The following XKR8 variants were observed in gnomAD, a reference collection of about 807,000 sequenced individuals.
XKR8 encodes XK related 8.
Under a neutral mutation model 17.1 loss-of-function variants are expected in XKR8, and 10 were observed. That is an observed-to-expected ratio of 0.59 (90% CI 0.36 to 0.99). XKR8 has a LOEUF of 0.99. XKR8 is among the 50% of genes least tolerant of loss of function. XKR8 has a pLI of 0.01. For missense variants in XKR8, 411 were observed against 515.6 expected (o/e 0.80, Z 1.96); for synonymous variants, 213 against 251.9 (o/e 0.85, Z 1.46).
Position 27,960,432 on chromosome 1 carries a change from A to G in XKR8, c.293+70A>G, listed in dbSNP as rs1045399950. The G allele has an allele frequency of 1.5e-6, 2 of 1,323,886 alleles. No homozygotes were observed. The highest frequency in any genetic ancestry group is 3.1e-5 in the East Asian group (1 of 32,654). The allele number at this position is 1,323,886 out of a possible 1,614,324, so 82.0% of individuals were successfully genotyped here. On this transcript the variant is annotated intron_variant, in intron 1 of 2. Transcript: ENST00000373884. The surrounding 1 kb of genome is among the most constrained non-coding windows in gnomAD (Gnocchi z 5.9). ...CCTCCGTCAGCTGGGTCACCTGTAC[A>G]GGTGACACGCCATATGCCGGGAAGG...
rs1442288292 is a variant in XKR8, at chr1:27,966,443, C to A, written c.491-60C>A. 2 of 1,531,552 alleles carry A rather than the reference C, an allele frequency of 1.3e-6. No individual in the cohort carries two copies. Among genetic ancestry groups the A allele is most frequent in the Admixed American group, 3.7e-5 (2 of 54,718 alleles). The allele number at this position is 1,531,552 out of a possible 1,614,324, so 94.9% of individuals were successfully genotyped here. A position where few individuals can be genotyped will look rare whatever the true frequency, so the allele number is the denominator to read the frequency against. On this transcript the variant is annotated intron_variant, in intron 2 of 2. Coordinates refer to ENST00000373884, the MANE Select transcript of XKR8 (RefSeq NM_018053.4). The surrounding 1 kb of genome is among the most constrained non-coding windows in gnomAD (Gnocchi z 4.3). The stretch of plus-strand genomic sequence containing the variant: ...GGAGGGCCCCCACGGTACCTGTGAC[C>A]GCTGGGGAGTGCCAAGCAGGCTGGC...
At position 27,966,262 on chromosome 1, in the gene XKR8, G is replaced by A. The variant is rs1051720086; in HGVS notation, c.491-241G>A. Among the ~76,000 whole-genome samples the A allele has an allele frequency of 3.9e-5, 6 of 152,130 alleles. No homozygotes were observed. The highest frequency in any genetic ancestry group is 8.8e-5 in the Non-Finnish European group (6 of 68,014). On this transcript the variant is annotated intron_variant, in intron 2 of 2. Coordinates refer to ENST00000373884, the MANE Select transcript of XKR8 (RefSeq NM_018053.4). The surrounding 1 kb of genome is among the most constrained non-coding windows in gnomAD (Gnocchi z 4.3). ...CTCTCATCTTTGACAAATACCACCC[G>A]GATAGCACCTACGCAGCAAAGCGCT...
At chr1:27,961,807 T>C (rs1638474453) in intron 1 of XKR8, among the ~76,000 whole-genome samples, 1 of 152,206 alleles carries the variant, frequency 6.6e-6, no homozygotes, top group Non-Finnish European at 1.5e-5. Context: ...AGTACATGTC[T>C]GGTGAATGAG....
rs1638614776 is a variant in XKR8, at chr1:27,967,973, A to T, written c.*773A>T. 1.3e-5 allele frequency: 2 copies of T among 152,576 alleles called. No individual in the cohort carries two copies. Among genetic ancestry groups the T allele is most frequent in the African/African-American group, 4.8e-5 (2 of 41,410 alleles). The allele number at this position is 152,576 out of a possible 1,614,324, so 9.5% of individuals were successfully genotyped here. ...GTATTTTTTTTGCCTTAGCCAGTGT[A>T]CCTCCTACCTCAGTCTATGTGAGAG... is the stretch of plus-strand genomic sequence containing the variant. On this transcript the variant is annotated 3_prime_UTR_variant, in exon 3 of 3. Transcript: ENST00000373884. The surrounding 1 kb of genome is among the most constrained non-coding windows in gnomAD (Gnocchi z 4.3).
At position 27,966,275 on chromosome 1, in the gene XKR8, G is replaced by A. The variant is rs890423683; in HGVS notation, c.491-228G>A. Among the ~76,000 whole-genome samples the A allele has an allele frequency of 3.3e-5, 5 of 152,270 alleles. No individual in the cohort carries two copies. Among genetic ancestry groups the A allele is most frequent in the Non-Finnish European group, 5.9e-5 (4 of 68,012 alleles). ...CAAATACCACCCGGATAGCACCTAC[G>A]CAGCAAAGCGCTGTGGTGAGGGGCA... On this transcript the variant is annotated intron_variant, in intron 2 of 2. Transcript: ENST00000373884. The surrounding 1 kb of genome is among the most constrained non-coding windows in gnomAD (Gnocchi z 4.3).
Position 27,967,032 on chromosome 1 carries a change from G to A in XKR8, c.1020G>A (p.Trp340Ter). 6.2e-7 allele frequency: 1 copy of A among 1,614,042 alleles called. No homozygotes were observed. Among genetic ancestry groups the A allele is most frequent in the Non-Finnish European group, 8.5e-7 (1 of 1,179,970 alleles). ...CTCTGCGGCTTGTGTACTACCACTG[G>A]CTGCACCCTAGCTGCTGCTGGAAGC... ...GLALRLVYYH[W>*]LHPSCCWKPD... Residue 340 changes from tryptophan (W) to a stop codon, truncating the protein, a stop_gained, in exon 3 of 3, where the codon TGG (tryptophan) becomes TGA (stop). Transcript: ENST00000373884. LOFTEE classifies it low-confidence loss of function (END_TRUNC). The surrounding 1 kb of genome is among the most constrained non-coding windows in gnomAD (Gnocchi z 4.3).
In XKR8 at chr1:27,966,556, C is replaced by T. The variant is rs753677671; in HGVS notation, c.544C>T (p.His182Tyr). The T allele has an allele frequency of 6.2e-7, 1 of 1,614,060 alleles. No individual in the cohort carries two copies. Among genetic ancestry groups the T allele is most frequent in the Admixed American group, 1.7e-5 (1 of 60,024 alleles). The change falls in exon 3 of 3, where the codon CAC becomes TAC. Residue 182 changes from histidine (H) to tyrosine (Y), a missense_variant. Physicochemically the swap from His to Tyr is moderately conservative, Grantham distance 83. Transcript: ENST00000373884. This position sits in a 1 kb window ranked among gnomAD's most constrained non-coding sequence, Gnocchi z 4.3. ...LGISWALLDY[H>Y]RALRTCLPSK... ...CATCTCGTGGGCACTGCTCGACTAC[C>T]ACCGGGCCTTGCGCACCTGCCTCCC... is the stretch of plus-strand genomic sequence containing the variant.
At chr1:27,961,865 A>G (rs949093782) in intron 1 of XKR8, among the ~76,000 whole-genome samples, 1 of 152,160 alleles carries the variant, frequency 6.6e-6, no homozygotes, top group Non-Finnish European at 1.5e-5. Context: ...ACTGAGAGCA[A>G]AGTTCTGGGT....
chr1:27,964,001 G>C (rs748775725), intron 2 of XKR8, among the ~76,000 whole-genome samples: 4 of 152,014 alleles, frequency 2.6e-5, no homozygotes, highest in South Asian at 2.1e-4. Context: ...TAAGTTCCTG[G>C]TACAGAGTCT....
rs772962218 is a variant in XKR8 at position 27,960,158 on chromosome 1, A to T, written c.89A>T (p.Asp30Val). The change falls in exon 1 of 3, where the codon GAC becomes GTC. Residue 30 changes from aspartate (D) to valine (V), a missense_variant. Asp to Val is a radical substitution (Grantham distance 152, BLOSUM62 -3). Coordinates refer to ENST00000373884, the MANE Select transcript of XKR8 (RefSeq NM_018053.4). The surrounding 1 kb of genome is among the most constrained non-coding windows in gnomAD (Gnocchi z 5.9). ...GCCTTCCTGCTCGACCTGGGCACCG[A>T]CCTGTGGGCCGCCGTCCAGTATGCG... is the stretch of plus-strand genomic sequence containing the variant. Reference protein sequence around the residue: ...TAAFLLDLGTDLWAAVQYALG... With the variant: ...TAAFLLDLGTVLWAAVQYALG... 6 of 1,527,728 alleles carry T rather than the reference A, an allele frequency of 3.9e-6. No individual in the cohort carries two copies. Among genetic ancestry groups the T allele is most frequent in the Non-Finnish European group, 5.2e-6 (6 of 1,144,320 alleles). The allele number at this position is 1,527,728 out of a possible 1,614,324, so 94.6% of individuals were successfully genotyped here.
chr1:27,963,025 T>G (rs1638497485), intron 1 of XKR8, among the ~76,000 whole-genome samples: 1 of 152,022 alleles, frequency 6.6e-6, no homozygotes, highest in African/African-American at 2.4e-5. Context: ...TCCCCATTTT[T>G]GCTTTTTTGT....
rs756433558 is a variant in XKR8, at chr1:27,966,783, C to T, written c.771C>T (p.Ser257=). 28 of 1,613,738 alleles carry T rather than the reference C, an allele frequency of 1.7e-5. No individual in the cohort carries two copies. Among genetic ancestry groups the T allele is most frequent in the Middle Eastern group, 1.7e-4 (1 of 5,980 alleles). ...CAGACTTCATGCCGGACCCCAGCTC[C>T]GAGTGGCTGTACCGGGTGACGGTGG... ...QGTDFMPDPS[S]EWLYRVTVAT... is the part of the protein sequence containing the mutation. The change falls in exon 3 of 3, where the codon TCC becomes TCT. Residue 257 remains serine (S), a synonymous_variant. Coordinates refer to ENST00000373884, the MANE Select transcript of XKR8 (RefSeq NM_018053.4). The surrounding 1 kb of genome is among the most constrained non-coding windows in gnomAD (Gnocchi z 4.3).
chr1:27,962,767 A>G (rs1015771932), intron 1 of XKR8, among the ~76,000 whole-genome samples: 39 of 151,976 alleles, frequency 2.6e-4, no homozygotes, highest in Non-Finnish European at 3.7e-4. Flanking sequence ...AATTAAAAAA[A>G]ATTCTTTGTA....
chr1:27,966,932 G>A lies in XKR8; in HGVS notation c.920G>A (p.Ser307Asn). 1 of 1,614,200 alleles carries A rather than the reference G, an allele frequency of 6.2e-7. No homozygotes were observed. The highest frequency in any genetic ancestry group is 8.5e-7 in the Non-Finnish European group (1 of 1,180,036). ...ILLVATWVTH[S>N]SWLPSGIPLQ... is the part of the protein sequence containing the mutation. Reference sequence around the variant, plus strand: ...CTGGTGGCCACCTGGGTGACTCATAGCTCCTGGCTGCCCAGCGGGATTCCA... The same window carrying A: ...CTGGTGGCCACCTGGGTGACTCATAACTCCTGGCTGCCCAGCGGGATTCCA... The change falls in exon 3 of 3, where the codon AGC becomes AAC. Residue 307 changes from serine (S) to asparagine (N), a missense_variant. Transcript: ENST00000373884. The surrounding 1 kb of genome is among the most constrained non-coding windows in gnomAD (Gnocchi z 4.3).
rs534719991 is a variant in XKR8 at position 27,963,266 on chromosome 1, C to T, written c.294-231C>T. On this transcript the variant is annotated intron_variant, in intron 1 of 2. Transcript: ENST00000373884. Reference sequence around the variant, plus strand: ...CAATCTCCTGAACTCGTGATCAGCCCGCCTCAGACTCCCAAAGTGCTGGGA... The same window carrying T: ...CAATCTCCTGAACTCGTGATCAGCCTGCCTCAGACTCCCAAAGTGCTGGGA... Among the ~76,000 whole-genome samples, 9 of 152,268 alleles carry T rather than the reference C, an allele frequency of 5.9e-5. No individual in the cohort carries two copies. In the East Asian group the frequency reaches 9.7e-4, roughly 16 times the overall value.
chr1:27,966,550 G>A lies in XKR8; in HGVS notation c.538G>A (p.Asp180Asn), dbSNP rs772088392. Reference protein sequence around the residue: ...SFLGISWALLDYHRALRTCLP... With the variant: ...SFLGISWALLNYHRALRTCLP... ...CCTGGGCATCTCGTGGGCACTGCTC[G>A]ACTACCACCGGGCCTTGCGCACCTG... Residue 180 changes from aspartate to asparagine, a missense_variant, in exon 3 of 3, where the codon GAC becomes AAC. Coordinates refer to ENST00000373884, the MANE Select transcript of XKR8 (RefSeq NM_018053.4). The surrounding 1 kb of genome is among the most constrained non-coding windows in gnomAD (Gnocchi z 4.3). 2.0e-5 allele frequency: 32 copies of A among 1,613,954 alleles called. No homozygotes were observed. The highest frequency in any genetic ancestry group is 3.3e-5 in the Admixed American group (2 of 60,010).
At position 27,960,282 on chromosome 1, in the gene XKR8, C is replaced by T. The variant is rs1238084936; in HGVS notation, c.213C>T (p.Asp71=). 3 of 1,514,006 alleles carry T rather than the reference C, an allele frequency of 2.0e-6. No individual in the cohort carries two copies. The highest frequency in any genetic ancestry group is 2.6e-6 in the Non-Finnish European group (3 of 1,137,810). 93.8% of individuals were successfully genotyped at this position (1,514,006 alleles called of 1,614,324 possible). ...QLFSWLWLRA[D]PAGLHGSQPP... is the part of the protein sequence containing the mutation. ...TCAGCTGGCTCTGGCTGCGCGCTGA[C>T]CCTGCCGGCCTGCACGGGTCGCAGC... The change falls in exon 1 of 3, where the codon GAC becomes GAT. Residue 71 remains aspartate (D), a synonymous_variant. Coordinates refer to ENST00000373884, the MANE Select transcript of XKR8 (RefSeq NM_018053.4). This position sits in a 1 kb window ranked among gnomAD's most constrained non-coding sequence, Gnocchi z 5.9.
chr1:27,968,003 A>C lies in XKR8; in HGVS notation c.*803A>C, dbSNP rs1335697766. The C allele has an allele frequency of 6.5e-6, 1 of 152,704 alleles. No homozygotes were observed. The highest frequency in any genetic ancestry group is 2.1e-4 in the South Asian group (1 of 4,826). The allele number at this position is 152,704 out of a possible 1,614,324, so 9.5% of individuals were successfully genotyped here. The stretch of plus-strand genomic sequence containing the variant: ...CTACCTCAGTCTATGTGAGAGGAAG[A>C]GAATGTGTGTGCCTGTGGGTCTCTA... On this transcript the variant is annotated 3_prime_UTR_variant, in exon 3 of 3. Transcript: ENST00000373884.
Position 27,967,640 on chromosome 1 carries a change from C to T in XKR8, c.*440C>T, listed in dbSNP as rs778256959. 17 of 156,420 alleles carry T rather than the reference C, an allele frequency of 1.1e-4. No individual in the cohort carries two copies. Among genetic ancestry groups the T allele is most frequent in the Non-Finnish European group, 2.2e-4 (16 of 71,180 alleles). The allele number at this position is 156,420 out of a possible 1,614,324, so 9.7% of individuals were successfully genotyped here. A position where few individuals can be genotyped will look rare whatever the true frequency, so the allele number is the denominator to read the frequency against. The stretch of plus-strand genomic sequence containing the variant: ...TGTCCTCTAGAATTCTTCCTTCCCT[C>T]CCCCACACCATTCATTCAATTCATG... On this transcript the variant is annotated 3_prime_UTR_variant, in exon 3 of 3. Coordinates refer to ENST00000373884, the MANE Select transcript of XKR8 (RefSeq NM_018053.4). This position sits in a 1 kb window ranked among gnomAD's most constrained non-coding sequence, Gnocchi z 4.3.
Sources: gnomAD v4.1 joint callset for allele counts (sites outside exome capture counted in the v4.1 genomes callset) on GRCh38, gnomAD v4.1.1 for gene constraint, Gnocchi (gnomAD v3.1) non-coding constraint, MANE v1.5 for transcripts, NCBI Gene and HGNC (gene_info 2026-07-23, HGNC 2026-07-21) for gene names.